AP3B1: variants seen among roughly 807,000 people sequenced by gnomAD.
AP3B1 encodes the protein adaptor related protein complex 3 subunit beta 1.
In AP3B1, 61 loss-of-function variants were observed where a neutral mutation model predicts 132.5. The observed-to-expected ratio is 0.46, with a 90% CI of 0.37 to 0.57. The LOEUF (loss-of-function observed/expected upper bound fraction) is 0.57, where lower values mean the gene tolerates loss of function less well. Among genes scored for constraint, AP3B1 ranks in the 20% least tolerant of loss-of-function variants. The probability of loss-of-function intolerance (pLI) is 0.00; values close to 1 mark genes in which losing one functional copy is unlikely to be tolerated. For synonymous variants in AP3B1, 388 were observed against 438.3 expected, an observed-to-expected ratio of 0.89 and a Z score of 1.43; for missense variants, 1,120 against 1,289.4, an observed-to-expected ratio of 0.87 and a Z score of 2.01.
intron 22 of AP3B1, among the ~76,000 whole-genome samples, chr5:78,047,822 C>G (rs938656419): frequency 6.6e-6 from 1 of 152,194 alleles, no homozygotes; most frequent in African/African-American, 2.4e-5. Context: ...AGTCTTGTGT[C>G]TTCTACCAGC....
rs140449701 is a variant in AP3B1 at position 78,147,903 on chromosome 5, G to A, written c.1474-6584C>T. Among the ~76,000 whole-genome samples the A allele has an allele frequency of 4.6e-5, 7 of 152,074 alleles. No individual in the cohort carries two copies. In the East Asian group the frequency reaches 5.8e-4, roughly 13 times the overall value. On this transcript the variant is annotated intron_variant, in intron 14 of 26. Transcript: ENST00000255194. ...ACAAAAATTATCCAGGCACGGTGGC[G>A]CATGCCTGTAATCCCAACTACTCAG...
intron 20 of AP3B1, among the ~76,000 whole-genome samples, chr5:78,108,647 C>T (rs907524109): frequency 1.6e-4 from 24 of 152,158 alleles, no homozygotes; most frequent in South Asian, 2.1e-4. Context: ...TTTATACTGA[C>T]GTTCTATAGG....
At chr5:78,211,527 C>T (rs1349692578) in intron 7 of AP3B1, among the ~76,000 whole-genome samples, 1 of 152,182 alleles carries the variant, frequency 6.6e-6, no homozygotes, top group Non-Finnish European at 1.5e-5. Flanking sequence ...TGTACATCAG[C>T]TCATCTCAAA....
chr5:78,243,581 A>G (rs1291044271), intron 2 of AP3B1, among the ~76,000 whole-genome samples: 1 of 152,196 alleles, frequency 6.6e-6, no homozygotes, highest in Admixed American at 6.5e-5. Context: ...GCAATAGACT[A>G]CTGTGGAGAA....
At chr5:78,201,825 A>C (rs1235744590) in intron 7 of AP3B1, among the ~76,000 whole-genome samples, 2 of 152,194 alleles carry the variant, frequency 1.3e-5, no homozygotes, top group Non-Finnish European at 2.9e-5. Context: ...GGAAAAAGAG[A>C]CGTTGTCCTC....
At chr5:78,166,117 T>TCACACACA (rs70997970) in intron 11 of AP3B1, among the ~76,000 whole-genome samples, 2 of 135,838 alleles carry the variant, frequency 1.5e-5, no homozygotes, top group African/African-American at 5.6e-5. Flanking sequence ...TGAAACTCTG[T>TCACACACA]CACACACACA....
chr5:78,014,442 T>TA (rs1445296196), intron 26 of AP3B1, among the ~76,000 whole-genome samples: 1 of 152,152 alleles, frequency 6.6e-6, no homozygotes, highest in South Asian at 2.1e-4. Flanking sequence ...GTAAAGCACA[T>TA]AAGAAGTTAT....
At chr5:78,264,124 CA>C (rs2112557711) in intron 2 of AP3B1, among the ~76,000 whole-genome samples, 1 of 152,264 alleles carries the variant, frequency 6.6e-6, no homozygotes, top group African/African-American at 2.4e-5. Context: ...ATGCATTTCT[CA>C]GAAAGCATCC....
At chr5:78,086,756 C>T (rs776823090) in intron 22 of AP3B1, among the ~76,000 whole-genome samples, 12 of 152,174 alleles carry the variant, frequency 7.9e-5, no homozygotes, top group Non-Finnish European at 1.6e-4. Context: ...AAACTATTAA[C>T]ATTCAACTGT....
chr5:78,290,941 C>T (rs771890751), intron 1 of AP3B1, among the ~76,000 whole-genome samples: 2 of 152,078 alleles, frequency 1.3e-5, no homozygotes, highest in East Asian at 3.8e-4. Flanking sequence ...CAGAGTAAGA[C>T]ATGTCTCAAA....
intron 6 of AP3B1, among the ~76,000 whole-genome samples, chr5:78,219,069 C>T (rs1054009474): frequency 3.9e-5 from 6 of 152,016 alleles, no homozygotes; most frequent in African/African-American, 9.7e-5. Context: ...CTTATCCCTA[C>T]GGTTTAGCTA....
At chr5:78,089,586 T>G (rs1323115024) in intron 21 of AP3B1, 87 bp from the exon 22 acceptor site, 1 of 847,362 alleles carries the variant, frequency 1.2e-6, no homozygotes, top group Non-Finnish European at 2.0e-6. Flanking sequence ...TTAGTAAATC[T>G]AATTAAATTA....
At chr5:78,229,578 A>AAAAAAAAC (rs1554078045) in intron 3 of AP3B1, among the ~76,000 whole-genome samples, 2 of 150,504 alleles carry the variant, frequency 1.3e-5, no homozygotes, top group African/African-American at 4.9e-5. Context: ...AGTAAAACAA[A>AAAAAAAAC]AAAAAAAAAA....
At chr5:78,196,265 A>G (rs1745073016) in intron 7 of AP3B1, among the ~76,000 whole-genome samples, 1 of 152,228 alleles carries the variant, frequency 6.6e-6, no homozygotes, top group South Asian at 2.1e-4. Context: ...AAATAAACAT[A>G]TAAAAACATG....
At chr5:78,172,952 T>G (rs1743984718) in intron 11 of AP3B1, among the ~76,000 whole-genome samples, 1 of 152,216 alleles carries the variant, frequency 6.6e-6, no homozygotes, top group African/African-American at 2.4e-5. Flanking sequence ...GAGATTCTGG[T>G]ATGTTGTGTC....
intron 7 of AP3B1, among the ~76,000 whole-genome samples, chr5:78,209,218 G>C (rs1201629264): frequency 6.6e-6 from 1 of 152,022 alleles, no homozygotes; most frequent in Non-Finnish European, 1.5e-5. Flanking sequence ...TGATAGGAAG[G>C]GTGGGTCAGA....
In AP3B1 at chr5:78,048,352, C is replaced by A. The variant is rs536675548; in HGVS notation, c.2578-9078G>T. Among the ~76,000 whole-genome samples the A allele has an allele frequency of 3.3e-5, 5 of 152,294 alleles. No individual in the cohort carries two copies. The South Asian group carries it at 8.3e-4, about 25-fold the overall frequency. On this transcript the variant is annotated intron_variant, in intron 22 of 26. Coordinates refer to ENST00000255194, the MANE Select transcript of AP3B1 (RefSeq NM_003664.5). ...GCTTTGCCCCCAATGCTTCTTTACC[C>A]TATAGTGGTTATGTATGAGACTGTC...
At chr5:78,230,575 G>C (rs939669348) in intron 3 of AP3B1, among the ~76,000 whole-genome samples, 11 of 152,106 alleles carry the variant, frequency 7.2e-5, no homozygotes, top group Non-Finnish European at 1.2e-4. Flanking sequence ...TCCTTTCCTA[G>C]TCAAACAGAA....
At position 78,129,302 on chromosome 5, in the gene AP3B1, T is replaced by A. The variant is rs763472871; in HGVS notation, c.1656A>T (p.Lys552Asn). The change falls in exon 16 of 27, where the codon AAA becomes AAT. Residue 552 changes from lysine to asparagine, a missense_variant. Physicochemically the swap from Lys to Asn is moderately conservative, Grantham distance 94. Transcript: ENST00000255194. ...GATTTAATATGTACTGGGTAAGCAA[T>A]TTTGTCTGTTGGAAAAAAACAGATC... is the stretch of plus-strand genomic sequence containing the variant. ...KLYLTNSKQT[K>N]LLTQYILNLG... The A allele has an allele frequency of 6.2e-7, 1 of 1,610,938 alleles. No homozygotes were observed.
Sources: allele counts gnomAD v4.1 joint callset (sites outside exome capture counted in the v4.1 genomes callset), GRCh38; gene constraint gnomAD v4.1.1; transcripts MANE v1.5; gene names NCBI Gene and HGNC (gene_info 2026-07-23, HGNC 2026-07-21).